ZPLD1: variants seen among roughly 807,000 people sequenced by gnomAD.
The protein encoded by ZPLD1 is zona pellucida-like domain-containing protein 1.
ZPLD1 carries 34 observed loss-of-function variants against 47.2 expected under a neutral mutation model. The ratio of observed to expected loss-of-function variants is 0.72; its 90% CI spans 0.55 to 0.96. The LOEUF is 0.96. ZPLD1 is among the 40% of genes least tolerant of loss of function. The pLI is 0.00. For synonymous variants in ZPLD1, 176 were observed against 186.2 expected (o/e 0.95, Z 0.45); for missense variants, 512 against 505.8 (o/e 1.01, Z -0.12).
chr3:102,385,450 C>T (rs187288348), intron 6 of ZPLD1: 1 of 152,248 alleles, frequency 6.6e-6, no homozygotes, highest in African/African-American at 2.4e-5. Flanking sequence ...ATTGGAATTC[C>T]TGGAGATTTT....
At chr3:102,418,643 A>G (rs28626707) in intron 8 of ZPLD1, among the ~76,000 whole-genome samples, 10,670 of 152,022 alleles carry the variant, frequency 0.07, 567 homozygotes, top group African/African-American at 0.15. Flanking sequence ...CAGCTCACAG[A>G]TGCTTCATGA....
chr3:102,427,234 A>G (rs2107311209), intron 8 of ZPLD1, among the ~76,000 whole-genome samples: 1 of 152,344 alleles, frequency 6.6e-6, no homozygotes, highest in East Asian at 1.9e-4. Flanking sequence ...AAATAAAAGT[A>G]TACCACCAAT....
chr3:102,426,135 C>T (rs1455084419), intron 8 of ZPLD1, among the ~76,000 whole-genome samples: 1 of 85,166 alleles, frequency 1.2e-5, no homozygotes, highest in Non-Finnish European at 2.3e-5. Flanking sequence ...CACACATGCA[C>T]ACACACACAC....
At chr3:102,432,441 CA>C (rs1349934498), upstream of ZPLD1, among the ~76,000 whole-genome samples, 1 of 152,180 alleles carries the variant, frequency 6.6e-6, no homozygotes, top group African/African-American at 2.4e-5. Context: ...TGATGTTTAA[CA>C]TTTGAAGAGA....
At chr3:102,421,683 C>T (rs1211735418) in intron 8 of ZPLD1, among the ~76,000 whole-genome samples, 1 of 151,676 alleles carries the variant, frequency 6.6e-6, no homozygotes, top group African/African-American at 2.4e-5. Flanking sequence ...TATTGTTTTG[C>T]TTTTTTTAGT....
Position 102,464,221 on chromosome 3 carries a change from A to G in ZPLD1, c.731A>G (p.Asn244Ser). The G allele has an allele frequency of 1.2e-6, 2 of 1,613,114 alleles. No homozygotes were observed. The highest frequency in any genetic ancestry group is 1.7e-6 in the Non-Finnish European group (2 of 1,179,218). The part of the protein sequence containing the change: ...YCYTTPSGNP[N>S]DDIRYDLFLS... ...TATACTACCCCATCAGGAAACCCAA[A>G]TGATGACATTCGATATGATCTTTTC... The change falls in exon 8 of 12, where the codon AAT (asparagine) becomes AGT (serine). Residue 244 changes from asparagine (N) to serine (S), a missense_variant. Coordinates refer to ENST00000466937, the MANE Select transcript of ZPLD1 (RefSeq NM_001329788.2).
chr3:102,405,613 G>C (rs972837048), intron 7 of ZPLD1, among the ~76,000 whole-genome samples: 2 of 151,980 alleles, frequency 1.3e-5, no homozygotes, highest in African/African-American at 4.8e-5. Context: ...CATCAAAGTG[G>C]TAACTGCTTA....
intron 6 of ZPLD1, among the ~76,000 whole-genome samples, chr3:102,388,170 G>C (rs57086732): frequency 6.6e-6 from 1 of 152,062 alleles, no homozygotes; most frequent in African/African-American, 2.4e-5. Flanking sequence ...TCAGTTCTGA[G>C]AAATTCTTTC....
At chr3:102,465,750 C>G (rs1294018483) in intron 8 of ZPLD1, among the ~76,000 whole-genome samples, 1 of 151,944 alleles carries the variant, frequency 6.6e-6, no homozygotes, top group Non-Finnish European at 1.5e-5. Context: ...AAAAAATTTC[C>G]CAAATGTCCT....
intron 7 of ZPLD1, among the ~76,000 whole-genome samples, chr3:102,392,671 T>C (rs1706510880): frequency 6.6e-6 from 1 of 152,064 alleles, no homozygotes; most frequent in Non-Finnish European, 1.5e-5. Flanking sequence ...CTATGAATGG[T>C]TTAATCCATT....
chr3:102,459,686 A>C (rs887904646), intron 6 of ZPLD1, among the ~76,000 whole-genome samples: 1 of 152,296 alleles, frequency 6.6e-6, no homozygotes, highest in East Asian at 1.9e-4. Context: ...TTCTCTTTTT[A>C]AATCAGTTAT....
chr3:102,438,717 A>C (rs977169703), intron 3 of ZPLD1, 124 bp downstream of exon 3: 1 of 601,734 alleles, frequency 1.7e-6, no homozygotes, highest in African/African-American at 1.9e-5. Context: ...GATATTAACA[A>C]ATGGCAAATG....
Position 102,462,376 on chromosome 3 carries a change from C to A in ZPLD1, c.678C>A (p.Gly226=), listed in dbSNP as rs766498803. The A allele has an allele frequency of 6.2e-7, 1 of 1,602,708 alleles. No homozygotes were observed. The highest frequency in any genetic ancestry group is 1.1e-5 in the South Asian group (1 of 89,392). The change falls in exon 7 of 12, where the codon GGC becomes GGA. Residue 226 remains glycine (G), a splice_region_variant and synonymous_variant. Coordinates refer to ENST00000466937, the MANE Select transcript of ZPLD1 (RefSeq NM_001329788.2). ...FAAVQATNLD[G]RWNVLMDYCY... is the part of the protein sequence containing the mutation. ...CTGTCCAAGCCACTAATTTGGATGGCAGGTAATTTCAAACTCTTGTCTTTT... is the reference window on the plus strand; with the variant it reads ...CTGTCCAAGCCACTAATTTGGATGGAAGGTAATTTCAAACTCTTGTCTTTT...
intron 2 of ZPLD1, among the ~76,000 whole-genome samples, chr3:102,437,428 T>C (rs1167732813): frequency 6.6e-6 from 1 of 152,222 alleles, no homozygotes; most frequent in African/African-American, 2.4e-5. Context: ...TGATTAATTA[T>C]CTAAGGGTAG....
At chr3:102,411,855 T>C (rs1372860718) in intron 7 of ZPLD1, among the ~76,000 whole-genome samples, 1 of 151,850 alleles carries the variant, frequency 6.6e-6, no homozygotes, top group East Asian at 1.9e-4. Flanking sequence ...CAATAGGGTA[T>C]ATCTCTGTCG....
intron 10 of ZPLD1, among the ~76,000 whole-genome samples, chr3:102,471,768 C>G (rs1707689772): frequency 6.6e-6 from 1 of 152,130 alleles, no homozygotes; most frequent in Admixed American, 6.5e-5. Flanking sequence ...AATGTTTCTT[C>G]ATTTTTAAAG....
intron 10 of ZPLD1, among the ~76,000 whole-genome samples, chr3:102,472,650 A>G (rs1707702915): frequency 1.3e-5 from 2 of 152,172 alleles, no homozygotes; most frequent in African/African-American, 4.8e-5. Context: ...CTTGTTGCCA[A>G]ATAATTAGGA....
intron 6 of ZPLD1, 67 bp downstream of exon 6, chr3:102,457,920 C>T (rs2107341911): frequency 1.4e-6 from 2 of 1,479,630 alleles, no homozygotes; most frequent in South Asian, 1.2e-5. Flanking sequence ...ATGTGAATGG[C>T]TTTTATATAA....
Position 102,386,286 on chromosome 3 carries a change from T to C in ZPLD1, c.-213+969T>C, listed in dbSNP as rs1252931475. On this transcript the variant is annotated intron_variant, in intron 6 of 17. Coordinates refer to the ZPLD1 transcript ENST00000491959. Reference sequence around the variant, plus strand: ...CCCCAGAAAATTGATGTAAGTGGGGTCTTTTTTTTTTTTTTTTTCCAAATA... The same window carrying C: ...CCCCAGAAAATTGATGTAAGTGGGGCCTTTTTTTTTTTTTTTTTCCAAATA... Among the ~76,000 whole-genome samples, 4 of 149,132 alleles carry C rather than the reference T, an allele frequency of 2.7e-5. No individual in the cohort carries two copies. The South Asian group carries it at 8.4e-4, about 31-fold the overall frequency.
Sources: allele counts gnomAD v4.1 joint callset (sites outside exome capture counted in the v4.1 genomes callset), GRCh38; gene constraint gnomAD v4.1.1; transcripts MANE v1.5; gene names NCBI Gene and HGNC (gene_info 2026-07-23, HGNC 2026-07-21).